Variants in WASHC4 observed in about 807,000 individuals in gnomAD.
The protein encoded by WASHC4 is WASH complex subunit 4.
A neutral mutation model predicts 166.6 loss-of-function variants in WASHC4; 86 were observed. The ratio of observed to expected loss-of-function variants is 0.52; its 90% CI spans 0.43 to 0.62. The LOEUF is 0.62. WASHC4 is among the 20% of genes least tolerant of loss of function. The probability of loss-of-function intolerance (pLI) is 0.00; values close to 1 mark genes in which losing one functional copy is unlikely to be tolerated. For missense variants in WASHC4, 1,262 were observed against 1,382.4 expected (o/e 0.91, Z 1.38); for synonymous variants, 446 against 451.6 (o/e 0.99, Z 0.16).
At chr12:105,126,996 A>G (rs1881347688) in intron 12 of WASHC4, 133 bp from the exon 13 acceptor site, 1 of 736,788 alleles carries the variant, frequency 1.4e-6, no homozygotes, top group Non-Finnish European at 2.3e-6. Context: ...GTCTCATAAT[A>G]TATTAATAAG....
chr12:105,115,041 A>G (rs1880051431), intron 4 of WASHC4, 143 bp from the exon 5 acceptor site: 4 of 578,914 alleles, frequency 6.9e-6, no homozygotes, highest in South Asian at 2.1e-5. Context: ...GAATTGCTTT[A>G]TAAACAGATT....
intron 24 of WASHC4, chr12:105,148,382 A>G (rs552459507): frequency 1.0e-6 from 1 of 983,708 alleles, no homozygotes; most frequent in Non-Finnish European, 1.2e-6. Flanking sequence ...AATGTATTTT[A>G]TGTGTCAGGG....
At chr12:105,110,846 T>C (rs1021874191) in intron 1 of WASHC4, among the ~76,000 whole-genome samples, 1 of 152,154 alleles carries the variant, frequency 6.6e-6, no homozygotes, top group African/African-American at 2.4e-5. Context: ...AGCCCTCTAT[T>C]ATGGGGGTAG....
At chr12:105,165,160 G>T (rs974170349) in intron 32 of WASHC4, among the ~76,000 whole-genome samples, 7 of 152,152 alleles carry the variant, frequency 4.6e-5, no homozygotes, top group Non-Finnish European at 7.4e-5. Context: ...AATCATAGGG[G>T]CTATTTAGTT....
intron 26 of WASHC4, 22 bp downstream of exon 26, chr12:105,152,473 G>A (rs746375921): frequency 1.6e-6 from 2 of 1,270,618 alleles, no homozygotes; most frequent in South Asian, 2.4e-5. Context: ...TAAAAGTGTT[G>A]GGAAATCAGG....
intron 13 of WASHC4, among the ~76,000 whole-genome samples, chr12:105,133,077 A>G (rs796676270): frequency 2.6e-5 from 4 of 152,096 alleles, no homozygotes; most frequent in South Asian, 2.1e-4. Context: ...CAGATCCTCT[A>G]GTGGCTTTCT....
chr12:105,163,605 G>T (rs374770735), intron 30 of WASHC4, among the ~76,000 whole-genome samples: 1 of 151,118 alleles, frequency 6.6e-6, no homozygotes, highest in African/African-American at 2.4e-5. Flanking sequence ...GGACCCAAGC[G>T]ATCCTCCCAC....
In WASHC4 at chr12:105,115,166, T is replaced by A. The variant is rs1880061535; in HGVS notation, c.322-18T>A. ...AAAACAACCTTTAAAATTATTTTAATTTTTTTCTTAAAAACAGGCTGAAAC... is the reference window on the plus strand; with the variant it reads ...AAAACAACCTTTAAAATTATTTTAAATTTTTTCTTAAAAACAGGCTGAAAC... On this transcript the variant is annotated intron_variant, in intron 4 of 32. Transcript: ENST00000332180. The A allele has an allele frequency of 2.9e-6, 4 of 1,357,738 alleles. No homozygotes were observed. The highest frequency in any genetic ancestry group is 4.2e-6 in the Non-Finnish European group (4 of 949,244). 84.1% of individuals were successfully genotyped at this position (1,357,738 alleles called of 1,614,324 possible).
At chr12:105,123,797 AAGATGCCACCTACATCTTTCATAG>A (rs921141873) in intron 10 of WASHC4, among the ~76,000 whole-genome samples, 2 of 152,222 alleles carry the variant, frequency 1.3e-5, no homozygotes, top group African/African-American at 4.8e-5. Context: ...CTTCTATTGG[AAGATGCCACCTACATCTTTCATAG>A]AGGAAAAGTC....
At chr12:105,139,891 T>G (rs1349793241) in intron 15 of WASHC4, among the ~76,000 whole-genome samples, 2 of 151,832 alleles carry the variant, frequency 1.3e-5, no homozygotes, top group African/African-American at 4.8e-5. Context: ...TGTAAGTTTT[T>G]TTTTTTTTTT....
Position 105,152,323 on chromosome 12 carries a change from C to T in WASHC4, c.2650-20C>T. The T allele has an allele frequency of 1.6e-6, 2 of 1,242,258 alleles. No individual in the cohort carries two copies. Among genetic ancestry groups the T allele is most frequent in the Non-Finnish European group, 2.4e-6 (2 of 841,628 alleles). The allele number at this position is 1,242,258 out of a possible 1,614,324, so 77.0% of individuals were successfully genotyped here. Reference sequence around the variant, plus strand: ...CTTTAGAAATCTTTATTAAAAGTAGCCTTAAAATTTTCTGTCTAGTATCCT... The same window carrying T: ...CTTTAGAAATCTTTATTAAAAGTAGTCTTAAAATTTTCTGTCTAGTATCCT... On this transcript the variant is annotated intron_variant, in intron 25 of 32. Coordinates refer to ENST00000332180, the MANE Select transcript of WASHC4 (RefSeq NM_015275.3).
chr12:105,144,458 G>A lies in WASHC4; in HGVS notation c.2179+3G>A. The A allele has an allele frequency of 6.2e-7, 1 of 1,607,738 alleles. No individual in the cohort carries two copies. The highest frequency in any genetic ancestry group is 8.5e-7 in the Non-Finnish European group (1 of 1,175,888). The stretch of plus-strand genomic sequence containing the variant: ...CAATCGTTTCATTGACATTCGGGGT[G>A]AGTGTTTTGCTTTCCTTCTTAGAGT... On this transcript the variant is annotated splice_donor_region_variant and intron_variant, in intron 21 of 32. Coordinates refer to ENST00000332180, the MANE Select transcript of WASHC4 (RefSeq NM_015275.3).
chr12:105,144,988 A>G (rs1026031884), intron 22 of WASHC4, 116 bp downstream of exon 22: 16 of 1,039,870 alleles, frequency 1.5e-5, no homozygotes, highest in Middle Eastern at 6.3e-4. Context: ...TTAAGAAATT[A>G]TTTGCCATAT....
At chr12:105,135,969 G>A (rs1463361729) in intron 14 of WASHC4, among the ~76,000 whole-genome samples, 1 of 152,046 alleles carries the variant, frequency 6.6e-6, no homozygotes, top group Admixed American at 6.6e-5. Flanking sequence ...GTAATTTGAG[G>A]ATCTGGATAT....
intron 6 of WASHC4, among the ~76,000 whole-genome samples, chr12:105,117,153 TTATGTA>T (rs1387725478): frequency 6.6e-6 from 1 of 152,210 alleles, no homozygotes; most frequent in Non-Finnish European, 1.5e-5. Context: ...GTGTATATGA[TTATGTA>T]TATGTATTTT....
chr12:105,115,000 G>A (rs553459302), intron 4 of WASHC4, among the ~76,000 whole-genome samples, 184 bp from the exon 5 acceptor site: 2 of 151,990 alleles, frequency 1.3e-5, no homozygotes, highest in African/African-American at 4.8e-5. Flanking sequence ...ACAGCTTTGA[G>A]TATCAGTAAT....
chr12:105,129,308 C>T (rs1435139771), intron 13 of WASHC4, among the ~76,000 whole-genome samples: 1 of 152,200 alleles, frequency 6.6e-6, no homozygotes, highest in Admixed American at 6.5e-5. Context: ...TGGTCTTGAA[C>T]TCCTGACCTC....
At chr12:105,155,416 G>C (rs1160824167) in intron 26 of WASHC4, among the ~76,000 whole-genome samples, 3 of 152,128 alleles carry the variant, frequency 2.0e-5, no homozygotes, top group African/African-American at 7.2e-5. Context: ...TGAGAAATAG[G>C]GGCTGGAATG....
At chr12:105,140,724 C>CAGT (rs1353210171) in intron 16 of WASHC4, among the ~76,000 whole-genome samples, 175 bp from the exon 17 acceptor site, 1 of 152,102 alleles carries the variant, frequency 6.6e-6, no homozygotes, top group Non-Finnish European at 1.5e-5. Flanking sequence ...CTGTTTCTGA[C>CAGT]AGTACTAAGG....
Sources: allele counts gnomAD v4.1 joint callset (sites outside exome capture counted in the v4.1 genomes callset), GRCh38; gene constraint gnomAD v4.1.1; transcripts MANE v1.5; gene names NCBI Gene and HGNC (gene_info 2026-07-23, HGNC 2026-07-21).